The following SPEF2 variants were observed in gnomAD, a reference collection of about 807,000 sequenced individuals.
SPEF2 encodes sperm flagella and cilia-associated protein 2.
In SPEF2, 187 loss-of-function variants were observed where a neutral mutation model predicts 224.6. The ratio of observed to expected loss-of-function variants is 0.83; its 90% CI spans 0.74 to 0.94. The LOEUF (loss-of-function observed/expected upper bound fraction) is 0.94, where lower values mean the gene tolerates loss of function less well. SPEF2 is among the 40% of genes least tolerant of loss of function. The probability of loss-of-function intolerance (pLI) is 0.00; values close to 1 mark genes in which losing one functional copy is unlikely to be tolerated. For missense variants in SPEF2, 2,170 were observed against 2,135.6 expected (o/e 1.02, Z -0.32); for synonymous variants, 715 against 707.3 (o/e 1.01, Z -0.17).
intron 10 of SPEF2, chr5:35,670,657 A>G: frequency 1.0e-6 from 1 of 985,898 alleles, no homozygotes; most frequent in Non-Finnish European, 1.2e-6. Flanking sequence ...TTTTATGAAT[A>G]GCATAGATTC....
chr5:35,780,717 G>C (rs1455060615), intron 30 of SPEF2, among the ~76,000 whole-genome samples: 1 of 151,514 alleles, frequency 6.6e-6, no homozygotes, highest in Non-Finnish European at 1.5e-5. Flanking sequence ...AAAATAAAAA[G>C]ATAAGTGTAA....
At chr5:35,671,447 T>C (rs1379483145) in intron 10 of SPEF2, 2 of 978,786 alleles carry the variant, frequency 2.0e-6, no homozygotes, top group Non-Finnish European at 2.4e-6. Flanking sequence ...TTTTGTACGG[T>C]TGTAAAATAT....
intron 5 of SPEF2, among the ~76,000 whole-genome samples, chr5:35,647,369 T>G: frequency 6.6e-6 from 1 of 151,840 alleles, no homozygotes. Flanking sequence ...GCCAGGTTCT[T>G]TTTAACAACC....
chr5:35,670,234 A>G lies in SPEF2; in HGVS notation c.1524+7A>G. ...TGATTATGAAGAATATAAGGTACCT[A>G]CTGATATGAAATAATTAGAATGCTA... On this transcript the variant is annotated splice_region_variant and intron_variant, in intron 10 of 36. Transcript: ENST00000356031. 2 of 1,587,370 alleles carry G rather than the reference A, an allele frequency of 1.3e-6. No individual in the cohort carries two copies. Among genetic ancestry groups the G allele is most frequent in the Non-Finnish European group, 1.7e-6 (2 of 1,170,202 alleles).
At chr5:35,780,470 C>A (rs971732646) in intron 30 of SPEF2, among the ~76,000 whole-genome samples, 2 of 152,132 alleles carry the variant, frequency 1.3e-5, no homozygotes, top group Non-Finnish European at 2.9e-5. Context: ...CACACTTCAG[C>A]TGTGGAGGGA....
intron 26 of SPEF2, among the ~76,000 whole-genome samples, chr5:35,769,406 G>A (rs759099884): frequency 1.3e-5 from 2 of 151,806 alleles, no homozygotes; most frequent in African/African-American, 2.4e-5. Flanking sequence ...AAAAAGCAAA[G>A]GGAGAAAGAA....
In SPEF2 at chr5:35,712,998, T is replaced by C. The variant is rs749844872; in HGVS notation, c.2914+112T>C. Reference sequence around the variant, plus strand: ...ATACATTGACCACTTCTCTCAGGCATTTGTAAATCATAAGCCCTTGCCAAA... The same window carrying C: ...ATACATTGACCACTTCTCTCAGGCACTTGTAAATCATAAGCCCTTGCCAAA... On this transcript the variant is annotated intron_variant, in intron 20 of 36. Transcript: ENST00000356031. 5.1e-6 allele frequency: 5 copies of C among 974,964 alleles called. 1 individual carries two copies. In the Admixed American group the frequency reaches 7.7e-5, roughly 15 times the overall value. 60.4% of individuals were successfully genotyped at this position (974,964 alleles called of 1,614,324 possible).
At chr5:35,800,761 C>A (rs1757309169) in intron 34 of SPEF2, among the ~76,000 whole-genome samples, 2 of 152,248 alleles carry the variant, frequency 1.3e-5, no homozygotes, top group East Asian at 1.9e-4. Flanking sequence ...CTTGGCATGG[C>A]TTTTGGTTCT....
At chr5:35,668,658 G>C (rs1750849238) in intron 9 of SPEF2, among the ~76,000 whole-genome samples, 1 of 151,978 alleles carries the variant, frequency 6.6e-6, no homozygotes, top group African/African-American at 2.4e-5. Flanking sequence ...GGAGACACTG[G>C]GTAAAGGGTA....
rs1399272366 is a variant in SPEF2 at position 35,755,738 on chromosome 5, T to C, written c.3468+1977T>C. Among the ~76,000 whole-genome samples, 8 of 152,202 alleles carry C rather than the reference T, an allele frequency of 5.3e-5. No individual in the cohort carries two copies. In the East Asian group the frequency reaches 1.5e-3, roughly 29 times the overall value. Reference sequence around the variant, plus strand: ...AATTCTCCTGCCTCAGCCTCCCAAGTAGCTGGGATTACAGGCGCCCACCAC... The same window carrying C: ...AATTCTCCTGCCTCAGCCTCCCAAGCAGCTGGGATTACAGGCGCCCACCAC... On this transcript the variant is annotated intron_variant, in intron 24 of 36. Coordinates refer to ENST00000356031, the MANE Select transcript of SPEF2 (RefSeq NM_024867.4).
At chr5:35,704,507 AAC>A in intron 16 of SPEF2, 45 bp from the exon 17 acceptor site, 1 of 1,305,114 alleles carries the variant, frequency 7.7e-7, no homozygotes, top group Non-Finnish European at 1.1e-6. Context: ...AGTAAGTAGC[AAC>A]TTTGGTTTTG....
chr5:35,762,844 G>A (rs868393254), intron 25 of SPEF2, among the ~76,000 whole-genome samples: 2 of 152,288 alleles, frequency 1.3e-5, no homozygotes, highest in South Asian at 2.1e-4. Flanking sequence ...CTACACAGGA[G>A]CAGCAATAAG....
intron 21 of SPEF2, among the ~76,000 whole-genome samples, chr5:35,731,065 A>G (rs1240763705): frequency 6.6e-6 from 1 of 152,210 alleles, no homozygotes; most frequent in Admixed American, 6.5e-5. Flanking sequence ...GTATGTGTAT[A>G]TGTCTCTGCC....
In SPEF2 at chr5:35,651,639, G is replaced by T. The variant is rs116016735; in HGVS notation, c.791+2214G>T. ...TTAATCACTACTTTTTTTAGTTCAT[G>T]CTGAATCTTAGCTTAGAATCAAGAA... is the stretch of plus-strand genomic sequence containing the variant. On this transcript the variant is annotated intron_variant, in intron 6 of 36. Coordinates refer to ENST00000356031, the MANE Select transcript of SPEF2 (RefSeq NM_024867.4). Among the ~76,000 whole-genome samples the T allele has an allele frequency of 3.7e-3, 559 of 152,266 alleles. 2 individuals are homozygous for T. Among genetic ancestry groups the T allele is most frequent in the Non-Finnish European group, 4.6e-3 (316 of 68,016 alleles).
Position 35,795,733 on chromosome 5 carries a change from A to G in SPEF2, c.4768A>G (p.Ile1590Val), listed in dbSNP as rs1306913968. The change falls in exon 33 of 37, where the codon ATA (isoleucine) becomes GTA (valine). Residue 1590 changes from isoleucine to valine, a missense_variant. Ile to Val is a conservative substitution (Grantham distance 29, BLOSUM62 3). Coordinates refer to ENST00000356031, the MANE Select transcript of SPEF2 (RefSeq NM_024867.4). ...AGLWFTGDEDIKIPENPLEPL... is the reference protein window; with the variant it reads ...AGLWFTGDEDVKIPENPLEPL... ...TCTGTGGTTTACAGGAGATGAAGATATAAAAATTCCAGAAAATCCTCTTGA... is the reference window on the plus strand; with the variant it reads ...TCTGTGGTTTACAGGAGATGAAGATGTAAAAATTCCAGAAAATCCTCTTGA... 2 of 1,613,970 alleles carry G rather than the reference A, an allele frequency of 1.2e-6. No homozygotes were observed. The highest frequency in any genetic ancestry group is 1.7e-6 in the Non-Finnish European group (2 of 1,179,940).
chr5:35,694,364 G>A lies in SPEF2; in HGVS notation c.1975+1G>A. On this transcript the variant is annotated splice_donor_variant, in intron 13 of 36. Transcript: ENST00000356031. LOFTEE classifies it high-confidence loss of function. ...GAAACAGAAGGTGAAACAATGCTTA[G>A]TAAGATCTCAAAACAAATCATCTAT... 1 of 1,609,422 alleles carries A rather than the reference G, an allele frequency of 6.2e-7. No homozygotes were observed. Among genetic ancestry groups the A allele is most frequent in the Admixed American group, 1.7e-5 (1 of 59,724 alleles).
chr5:35,808,819 C>A (rs1758360403), intron 36 of SPEF2, among the ~76,000 whole-genome samples: 1 of 144,262 alleles, frequency 6.9e-6, no homozygotes, highest in African/African-American at 2.6e-5. Flanking sequence ...AATATATATA[C>A]ATATATGTAT....
At chr5:35,629,361 G>C (rs1216277750) in intron 2 of SPEF2, among the ~76,000 whole-genome samples, 1 of 151,520 alleles carries the variant, frequency 6.6e-6, no homozygotes, top group African/African-American at 2.4e-5. Flanking sequence ...GTTTCACCGT[G>C]TTAGCCAGGA....
At position 35,617,941 on chromosome 5, in the gene SPEF2, C is replaced by T; in HGVS notation, c.-57C>T. Reference sequence around the variant, plus strand: ...CTACAGGAGGACGCGGGCTGGCAGGCTTGGTTCCTGGCGAGTTTCTAAGCC... The same window carrying T: ...CTACAGGAGGACGCGGGCTGGCAGGTTTGGTTCCTGGCGAGTTTCTAAGCC... On this transcript the variant is annotated 5_prime_UTR_variant, in exon 1 of 37. Coordinates refer to ENST00000356031, the MANE Select transcript of SPEF2 (RefSeq NM_024867.4). 1 of 1,531,890 alleles carries T rather than the reference C, an allele frequency of 6.5e-7. No individual in the cohort carries two copies. The highest frequency in any genetic ancestry group is 8.9e-7 in the Non-Finnish European group (1 of 1,127,828). 94.9% of individuals were successfully genotyped at this position (1,531,890 alleles called of 1,614,324 possible).
Sources: allele counts gnomAD v4.1 joint callset (sites outside exome capture counted in the v4.1 genomes callset), GRCh38; gene constraint gnomAD v4.1.1; transcripts MANE v1.5; gene names NCBI Gene and HGNC (gene_info 2026-07-23, HGNC 2026-07-21).